Variants in MYO1E observed in about 807,000 individuals in gnomAD.
MYO1E encodes myosin IE, also known as unconventional myosin-Ie.
Under a neutral mutation model 151.1 loss-of-function variants are expected in MYO1E, and 68 were observed. The ratio of observed to expected loss-of-function variants is 0.45; its 90% CI spans 0.37 to 0.55. The LOEUF (loss-of-function observed/expected upper bound fraction) is 0.55. Ranked by LOEUF, MYO1E falls within the 20% of genes least tolerant of loss-of-function variation. The pLI is 0.00. For missense variants in MYO1E, 1,363 were observed against 1,389.3 expected (o/e 0.98, Z 0.30); for synonymous variants, 601 against 501.7 (o/e 1.20, Z -2.64).
At chr15:59,303,982 C>CTTTTT (rs35196401) in intron 1 of MYO1E, among the ~76,000 whole-genome samples, 3 of 132,654 alleles carry the variant, frequency 2.3e-5, no homozygotes, top group Non-Finnish European at 3.2e-5. Context: ...TCTTTTCTTT[C>CTTTTT]TTTTTTTTTT....
chr15:59,208,142 T>G (rs1170082858), intron 14 of MYO1E: 140 of 1,445,604 alleles, frequency 9.7e-5, no homozygotes, highest in Non-Finnish European at 1.3e-4. Context: ...TACAGGATTA[T>G]ATAACGAAAT....
chr15:59,258,343 TCAAAA>T (rs1382809647), intron 3 of MYO1E, among the ~76,000 whole-genome samples: 1 of 152,200 alleles, frequency 6.6e-6, no homozygotes, highest in Non-Finnish European at 1.5e-5. Flanking sequence ...AGACTCCGTC[TCAAAA>T]CAAAACAAAC....
intron 1 of MYO1E, among the ~76,000 whole-genome samples, chr15:59,358,922 A>T (rs370261223): frequency 7.2e-5 from 11 of 152,324 alleles, no homozygotes; most frequent in African/African-American, 2.4e-4. Context: ...CAAGTAACTG[A>T]GAGACCTAGG....
chr15:59,267,146 C>A (rs1304156224), intron 2 of MYO1E, among the ~76,000 whole-genome samples: 9 of 150,314 alleles, frequency 6.0e-5, no homozygotes, highest in African/African-American at 2.2e-4. Context: ...CTGCCTCAGC[C>A]TCCCGAGTAG....
chr15:59,264,346 C>T (rs1388899983), intron 2 of MYO1E, among the ~76,000 whole-genome samples: 5 of 152,136 alleles, frequency 3.3e-5, no homozygotes, highest in Non-Finnish European at 5.9e-5. Flanking sequence ...AGTCTGGATC[C>T]CACGCCCATA....
chr15:59,239,984 A>T (rs1207408372), intron 4 of MYO1E, among the ~76,000 whole-genome samples: 1 of 152,244 alleles, frequency 6.6e-6, no homozygotes, highest in African/African-American at 2.4e-5. Context: ...AGACAAAATA[A>T]TATATCCCAA....
chr15:59,342,199 T>C (rs1384871635), intron 1 of MYO1E, among the ~76,000 whole-genome samples: 2 of 152,264 alleles, frequency 1.3e-5, no homozygotes, highest in African/African-American at 4.8e-5. Context: ...TCTATTGATA[T>C]CTTTTGCCCA....
At chr15:59,215,192 T>C (rs11638935) in intron 10 of MYO1E, among the ~76,000 whole-genome samples, 4 of 151,898 alleles carry the variant, frequency 2.6e-5, no homozygotes, top group African/African-American at 2.4e-5. Flanking sequence ...TAGGCGCTTA[T>C]AGAGAGGGTG....
intron 16 of MYO1E, among the ~76,000 whole-genome samples, chr15:59,196,383 G>A (rs1275871776): frequency 6.6e-6 from 1 of 152,184 alleles, no homozygotes; most frequent in Non-Finnish European, 1.5e-5. Flanking sequence ...AACAGGAGTA[G>A]AGCTCACATC....
intron 1 of MYO1E, among the ~76,000 whole-genome samples, chr15:59,306,018 A>G (rs947485275): frequency 2.0e-5 from 3 of 152,200 alleles, no homozygotes; most frequent in Non-Finnish European, 4.4e-5. Flanking sequence ...AGAGAAATAA[A>G]CACATGCCAC....
At chr15:59,156,585 T>C (rs1441983423) in intron 25 of MYO1E, among the ~76,000 whole-genome samples, 1 of 152,252 alleles carries the variant, frequency 6.6e-6, no homozygotes, top group Non-Finnish European at 1.5e-5. Context: ...TGCCTTGGTC[T>C]CCCAAAGTGT....
intron 9 of MYO1E, among the ~76,000 whole-genome samples, chr15:59,222,462 C>T (rs564690936): frequency 2.0e-5 from 3 of 152,234 alleles, no homozygotes; most frequent in South Asian, 2.1e-4. Flanking sequence ...AGAGTAAAAA[C>T]GACCATTTAG....
At chr15:59,318,540 A>G (rs879894048) in intron 1 of MYO1E, among the ~76,000 whole-genome samples, 8 of 152,190 alleles carry the variant, frequency 5.3e-5, no homozygotes, top group African/African-American at 4.8e-5. Context: ...TAAAACCAAA[A>G]AACAAAAAAG....
chr15:59,307,331 T>A (rs2080520533), intron 1 of MYO1E, among the ~76,000 whole-genome samples: 2 of 152,114 alleles, frequency 1.3e-5, no homozygotes, highest in South Asian at 4.1e-4. Flanking sequence ...CCGGGGAGGA[T>A]GAGGTTCCGC....
chr15:59,288,164 T>C (rs1023562497), intron 1 of MYO1E, among the ~76,000 whole-genome samples: 1 of 152,214 alleles, frequency 6.6e-6, no homozygotes, highest in South Asian at 2.1e-4. Flanking sequence ...TTACTTTTTT[T>C]AAATTAATCT....
intron 1 of MYO1E, among the ~76,000 whole-genome samples, chr15:59,336,004 C>T (rs1374974460): frequency 1.3e-5 from 2 of 151,654 alleles, no homozygotes; most frequent in South Asian, 4.2e-4. Flanking sequence ...TGTGCTACCC[C>T]CTCTCCCACT....
intron 19 of MYO1E, among the ~76,000 whole-genome samples, chr15:59,177,493 G>A (rs2079632068): frequency 6.6e-6 from 1 of 152,184 alleles, no homozygotes. Flanking sequence ...TTGGTCTGAT[G>A]ACTGATTTCT....
chr15:59,222,588 T>C (rs764353036), intron 9 of MYO1E, among the ~76,000 whole-genome samples: 1 of 152,188 alleles, frequency 6.6e-6, no homozygotes, highest in African/African-American at 2.4e-5. Flanking sequence ...ATCCAATCCA[T>C]GGAACAAACT....
chr15:59,270,787 C>G (rs1442898572), intron 2 of MYO1E: 5 of 151,870 alleles, frequency 3.3e-5, no homozygotes, highest in African/African-American at 1.2e-4. Context: ...TGCCTTGTAA[C>G]TGGGATTACA....
Sources: allele counts gnomAD v4.1 joint callset (sites outside exome capture counted in the v4.1 genomes callset), GRCh38; gene constraint gnomAD v4.1.1; transcripts MANE v1.5; gene names NCBI Gene and HGNC (gene_info 2026-07-23, HGNC 2026-07-21).